Variants in SLIT1 observed in about 807,000 individuals in gnomAD.
The protein encoded by SLIT1 is slit homolog 1 protein.
SLIT1 carries 66 observed loss-of-function variants against 186.1 expected under a neutral mutation model. The observed-to-expected ratio is 0.35, with a 90% CI of 0.29 to 0.44. SLIT1 has a LOEUF of 0.44. Ranked by LOEUF, SLIT1 falls within the 20% of genes least tolerant of loss-of-function variation. The pLI is 1.00. For missense variants in SLIT1, 1,638 were observed against 2,037.4 expected, an observed-to-expected ratio of 0.80 and a Z score of 3.77; for synonymous variants, 761 against 833.8, an observed-to-expected ratio of 0.91 and a Z score of 1.50.
At chr10:97,085,444 G>A (rs755854953) in intron 4 of SLIT1, among the ~76,000 whole-genome samples, 1 of 151,672 alleles carries the variant, frequency 6.6e-6, no homozygotes, top group Non-Finnish European at 1.5e-5. Context: ...CTGGAGGACA[G>A]TGGCACAATC....
At chr10:97,176,825 C>CAAA (rs758354657) in intron 1 of SLIT1, among the ~76,000 whole-genome samples, 246 of 152,356 alleles carry the variant, frequency 1.6e-3, no homozygotes, top group Non-Finnish European at 3.0e-3. Context: ...AGCCACTGCT[C>CAAA]TCCACTGTCA....
At chr10:97,018,936 G>T in intron 27 of SLIT1, 47 bp downstream of exon 27, 1 of 1,197,620 alleles carries the variant, frequency 8.3e-7, no homozygotes, top group Non-Finnish European at 1.2e-6. Context: ...CAGCCCTGCA[G>T]TGTACACGAA....
At chr10:97,121,336 C>T (rs1479603109) in intron 4 of SLIT1, among the ~76,000 whole-genome samples, 1 of 152,140 alleles carries the variant, frequency 6.6e-6, no homozygotes, top group Non-Finnish European at 1.5e-5. Flanking sequence ...AATCTCTCAC[C>T]AGGACGAGCT....
rs184139805 is a variant in SLIT1, at chr10:97,112,943, C to T, written c.413+44875G>A. The stretch of plus-strand genomic sequence containing the variant: ...TCCCGGGCTCAAGCAATCCTCCCAC[C>T]TCGGCCTTTCAAAGCGCTGGGATTA... On this transcript the variant is annotated intron_variant, in intron 4 of 36. Coordinates refer to ENST00000266058, the MANE Select transcript of SLIT1 (RefSeq NM_003061.3). Among the ~76,000 whole-genome samples the T allele has an allele frequency of 1.7e-3, 259 of 152,300 alleles. 2 individuals are homozygous for T. Among genetic ancestry groups the T allele is most frequent in the African/African-American group, 5.2e-3 (217 of 41,560 alleles).
Position 97,165,092 on chromosome 10 carries a change from G to A in SLIT1, c.198-202C>T, listed in dbSNP as rs559433310. Among the ~76,000 whole-genome samples, 9 of 152,286 alleles carry A rather than the reference G, an allele frequency of 5.9e-5. No homozygotes were observed. The East Asian group carries it at 1.5e-3, about 26-fold the overall frequency. The stretch of plus-strand genomic sequence containing the variant: ...TGACATCCAACCCACTGGAACCGCA[G>A]GGCACAGGGCGCATCACTGGGAGTG... On this transcript the variant is annotated intron_variant, in intron 1 of 36. Coordinates refer to ENST00000266058, the MANE Select transcript of SLIT1 (RefSeq NM_003061.3).
At chr10:97,033,212 C>T (rs192530663) in intron 23 of SLIT1, among the ~76,000 whole-genome samples, 3 of 152,234 alleles carry the variant, frequency 2.0e-5, no homozygotes, top group Non-Finnish European at 2.9e-5. Context: ...CCACACCTGA[C>T]TAATTTTTTT....
chr10:97,060,661 AG>A lies in SLIT1; in HGVS notation c.919del (p.Leu307CysfsTer5). On this transcript the variant is annotated frameshift_variant, in exon 9 of 37. Coordinates refer to ENST00000266058, the MANE Select transcript of SLIT1 (RefSeq NM_003061.3). LOFTEE classifies it high-confidence loss of function. ...GKGLTAIPANLPETMTEIRLE... is the reference protein window; with the variant it reads ...GKGLTAIPANXPETMTEIRLE... ...TCACATCTCCGTCATGGTCTCGGGC[AG>A]GTTGGCCGGGATGGCAGTGAGGCCT... is the stretch of plus-strand genomic sequence containing the variant. 6.2e-7 allele frequency: 1 copy of A among 1,613,252 alleles called. No individual in the cohort carries two copies. Among genetic ancestry groups the A allele is most frequent in the Non-Finnish European group, 8.5e-7 (1 of 1,180,044 alleles).
At chr10:97,170,713 A>G (rs886877088) in intron 1 of SLIT1, among the ~76,000 whole-genome samples, 1 of 152,250 alleles carries the variant, frequency 6.6e-6, no homozygotes, top group African/African-American at 2.4e-5. Flanking sequence ...CCTGAAAGGA[A>G]AACCTCGGTG....
Position 97,018,572 on chromosome 10 carries a change from T to G in SLIT1, c.2969+14A>C, listed in dbSNP as rs1312460424. ...TCAGCACTCACCAGGCTCCTGCCCC[T>G]CCAGGTAACTCACGTGAACGGGGCA... On this transcript the variant is annotated intron_variant, in intron 28 of 36. Coordinates refer to ENST00000266058, the MANE Select transcript of SLIT1 (RefSeq NM_003061.3). 3.3e-6 allele frequency: 5 copies of G among 1,532,530 alleles called. No individual in the cohort carries two copies. Among genetic ancestry groups the G allele is most frequent in the Non-Finnish European group, 4.4e-6 (5 of 1,125,618 alleles). 94.9% of individuals were successfully genotyped at this position (1,532,530 alleles called of 1,614,324 possible).
chr10:97,182,864 G>A (rs911527736), intron 1 of SLIT1, among the ~76,000 whole-genome samples: 27 of 152,056 alleles, frequency 1.8e-4, no homozygotes, highest in African/African-American at 5.8e-4. Flanking sequence ...TTATGCTCAC[G>A]CCTGTAATCC....
intron 11 of SLIT1, 42 bp downstream of exon 11, chr10:97,059,418 G>A: frequency 6.5e-7 from 1 of 1,547,230 alleles, no homozygotes. Context: ...CTCCTCAGGG[G>A]ATGCCCTGGG....
At chr10:97,002,014 A>G in intron 36 of SLIT1, 144 bp downstream of exon 36, 1 of 496,674 alleles carries the variant, frequency 2.0e-6, no homozygotes, top group Non-Finnish European at 3.5e-6. Context: ...CAGAGGGTGG[A>G]GGGACTCTGA....
chr10:97,071,989 T>C (rs1423930153), intron 4 of SLIT1, among the ~76,000 whole-genome samples: 1 of 152,118 alleles, frequency 6.6e-6, no homozygotes, highest in Non-Finnish European at 1.5e-5. Context: ...AGAGGCAGAC[T>C]CCAGGTAGGC....
intron 1 of SLIT1, among the ~76,000 whole-genome samples, chr10:97,176,241 TG>T (rs1850254351): frequency 6.6e-6 from 1 of 151,782 alleles, no homozygotes; most frequent in African/African-American, 2.4e-5. Flanking sequence ...CTCCCAGGAG[TG>T]TTATGAGGAG....
intron 30 of SLIT1, 145 bp from the exon 31 acceptor site, chr10:97,011,275 G>T: frequency 3.1e-6 from 2 of 639,504 alleles, no homozygotes; most frequent in Non-Finnish European, 5.5e-6. Flanking sequence ...TCTCCAGGAG[G>T]TCACACAGAG....
In SLIT1 at chr10:96,999,432, G is replaced by A. The variant is rs992765223; in HGVS notation, c.*1680C>T. ...ATCAAGGGCTCCCCTCACTGCCCTGGGCAGGGGACAGGGACACAATGCCAC... is the reference window on the plus strand; with the variant it reads ...ATCAAGGGCTCCCCTCACTGCCCTGAGCAGGGGACAGGGACACAATGCCAC... On this transcript the variant is annotated 3_prime_UTR_variant, in exon 37 of 37. Coordinates refer to ENST00000266058, the MANE Select transcript of SLIT1 (RefSeq NM_003061.3). 1 of 152,364 alleles carries A rather than the reference G, an allele frequency of 6.6e-6. No homozygotes were observed. Among genetic ancestry groups the A allele is most frequent in the South Asian group, 2.1e-4 (1 of 4,830 alleles). 9.4% of individuals were successfully genotyped at this position (152,364 alleles called of 1,614,324 possible).
intron 4 of SLIT1, among the ~76,000 whole-genome samples, chr10:97,084,353 C>G (rs1041165548): frequency 6.6e-6 from 1 of 152,204 alleles, no homozygotes; most frequent in African/African-American, 2.4e-5. Context: ...GGGGTCCCCA[C>G]CTGGGCTGCA....
At position 97,180,233 on chromosome 10, in the gene SLIT1, A is replaced by C. The variant is rs533686697; in HGVS notation, c.197+5245T>G. On this transcript the variant is annotated intron_variant, in intron 1 of 36. Transcript: ENST00000266058. ...CCCTGCAATTCTCTGTCACCTTAAT[A>C]ACAATAATAATACTACCATTTATTG... 5.9e-5 allele frequency among the ~76,000 whole-genome samples: 9 copies of C among 152,358 alleles called. No homozygotes were observed. The South Asian group carries it at 1.9e-3, about 32-fold the overall frequency.
In SLIT1 at chr10:97,040,136, C is replaced by T. The variant is rs376677909; in HGVS notation, c.2165-16G>A. The T allele has an allele frequency of 2.2e-5, 34 of 1,540,362 alleles. No individual in the cohort carries two copies. The African/African-American group carries it at 2.8e-4, about 13-fold the overall frequency. ...TCCTCCTGGCCTAGGGAAGAAGGCACGAAGCCCCTGTCAGGGAGGTGGACG... is the reference window on the plus strand; with the variant it reads ...TCCTCCTGGCCTAGGGAAGAAGGCATGAAGCCCCTGTCAGGGAGGTGGACG... On this transcript the variant is annotated splice_polypyrimidine_tract_variant and intron_variant, in intron 20 of 36. Coordinates refer to ENST00000266058, the MANE Select transcript of SLIT1 (RefSeq NM_003061.3).
Sources: gnomAD v4.1 joint callset for allele counts (sites outside exome capture counted in the v4.1 genomes callset) on GRCh38, gnomAD v4.1.1 for gene constraint, MANE v1.5 for transcripts, NCBI Gene and HGNC (gene_info 2026-07-23, HGNC 2026-07-21) for gene names.